Variants in B3GAT2 observed in about 807,000 individuals in gnomAD.
The protein encoded by B3GAT2 is galactosylgalactosylxylosylprotein 3-beta-glucuronosyltransferase 2.
In B3GAT2, 26 loss-of-function variants were observed where a neutral mutation model predicts 27.8. The ratio of observed to expected loss-of-function variants is 0.93; its 90% confidence interval spans 0.68 to 1.30. The LOEUF is 1.30. Ranked by LOEUF, B3GAT2 falls within the 50% of genes most tolerant of loss-of-function variation. The pLI is 0.00. For synonymous variants in B3GAT2, 218 were observed against 195.1 expected (o/e 1.12, Z -0.98); for missense variants, 458 against 459.0 (o/e 1.00, Z 0.02).
intron 1 of B3GAT2, among the ~76,000 whole-genome samples, chr6:70,919,047 T>A (rs1439572259): frequency 1.3e-5 from 2 of 152,214 alleles, no homozygotes; most frequent in African/African-American, 4.8e-5. Context: ...AAACGTAGAT[T>A]TGGTCTTTTC....
At chr6:70,872,891 A>G (rs1236372058) in intron 2 of B3GAT2, among the ~76,000 whole-genome samples, 1 of 151,942 alleles carries the variant, frequency 6.6e-6, no homozygotes, top group Non-Finnish European at 1.5e-5. Context: ...TAACATTTCA[A>G]TTTCTAACAG....
At position 70,948,741 on chromosome 6, in the gene B3GAT2, C is replaced by T. The variant is rs1276334845; in HGVS notation, c.591+7098G>A. The stretch of plus-strand genomic sequence containing the variant: ...AATTGGAAAAAACTACTTTAAAGTT[C>T]ATATGGAACCAAAAAAGAACCCACA... On this transcript the variant is annotated intron_variant, in intron 1 of 3. Coordinates refer to ENST00000230053, the MANE Select transcript of B3GAT2 (RefSeq NM_080742.3). Among the ~76,000 whole-genome samples the T allele has an allele frequency of 1.2e-4, 18 of 152,170 alleles. 1 individual carries two copies. The South Asian group carries it at 1.5e-3, about 12-fold the overall frequency.
intron 1 of B3GAT2, among the ~76,000 whole-genome samples, chr6:70,915,523 G>A (rs1772758199): frequency 6.6e-6 from 1 of 152,060 alleles, no homozygotes; most frequent in South Asian, 2.1e-4. Flanking sequence ...TTTTTGTAGG[G>A]TTTTTATGGT....
chr6:70,891,252 C>T (rs985699453), intron 2 of B3GAT2, among the ~76,000 whole-genome samples: 2 of 152,332 alleles, frequency 1.3e-5, no homozygotes, highest in Admixed American at 1.3e-4. Flanking sequence ...GCCAACTGCA[C>T]ACCACCAGTG....
chr6:70,871,436 A>G (rs1771935466), intron 2 of B3GAT2, among the ~76,000 whole-genome samples: 1 of 151,760 alleles, frequency 6.6e-6, no homozygotes, highest in African/African-American at 2.4e-5. Flanking sequence ...TCTCTCTGTT[A>G]TAGGCCTATT....
chr6:70,884,236 A>C (rs1409456823), intron 2 of B3GAT2, among the ~76,000 whole-genome samples: 1 of 152,118 alleles, frequency 6.6e-6, no homozygotes, highest in African/African-American at 2.4e-5. Context: ...TTTGATGCGA[A>C]GCCATGGGGA....
At position 70,859,276 on chromosome 6, in the gene B3GAT2, G is replaced by A; in HGVS notation, c.*2387C>T. On this transcript the variant is annotated 3_prime_UTR_variant, in exon 4 of 4. Transcript: ENST00000230053. ...AACATGCTGAAGCACACCCAGCTCA[G>A]GTTAAGGTGCTAGATGAACCAGGAA... The A allele has an allele frequency of 7.4e-7, 1 of 1,346,758 alleles. No individual in the cohort carries two copies. Among genetic ancestry groups the A allele is most frequent in the South Asian group, 1.4e-5 (1 of 72,446 alleles). 83.4% of individuals were successfully genotyped at this position (1,346,758 alleles called of 1,614,324 possible).
chr6:70,893,289 A>G (rs962875687), intron 2 of B3GAT2, among the ~76,000 whole-genome samples: 4 of 152,218 alleles, frequency 2.6e-5, no homozygotes, highest in Admixed American at 1.3e-4. Flanking sequence ...TATGCACAGA[A>G]GATGGGGCAA....
At chr6:70,940,625 G>A (rs1252800744) in intron 1 of B3GAT2, among the ~76,000 whole-genome samples, 1 of 152,036 alleles carries the variant, frequency 6.6e-6, no homozygotes, top group African/African-American at 2.4e-5. Flanking sequence ...GGATTACATA[G>A]TAATTAAAAA....
rs1169154134 is a variant in B3GAT2 at position 70,956,991 on chromosome 6, C to T, written c.-562G>A. On this transcript the variant is annotated 5_prime_UTR_variant, in exon 1 of 4. Coordinates refer to ENST00000230053, the MANE Select transcript of B3GAT2 (RefSeq NM_080742.3). The stretch of plus-strand genomic sequence containing the variant: ...GGGGGTTGTGTCCCGGCTGTGTTCG[C>T]GCGCCGCAGCGGAAGCCTGCTCTCA... 6 of 998,788 alleles carry T rather than the reference C, an allele frequency of 6.0e-6. No homozygotes were observed. Among genetic ancestry groups the T allele is most frequent in the Non-Finnish European group, 7.1e-6 (6 of 839,212 alleles). 61.9% of individuals were successfully genotyped at this position (998,788 alleles called of 1,614,324 possible).
intron 1 of B3GAT2, among the ~76,000 whole-genome samples, chr6:70,951,390 G>C (rs533270615): frequency 1.3e-5 from 2 of 152,208 alleles, no homozygotes; most frequent in Admixed American, 1.3e-4. Flanking sequence ...ACAGAAAAAA[G>C]GGAGCCACCC....
chr6:70,861,827 TA>T lies in B3GAT2; in HGVS notation c.885+2del, dbSNP rs1562211290. ...GGTCGGGCAGCACAAGTGTAATGAA[TA>T]CCTTAGTGCAGTTATTTGCTTTCGG... On this transcript the variant is annotated splice_donor_variant, in intron 3 of 3. Transcript: ENST00000230053. LOFTEE classifies it high-confidence loss of function. The T allele has an allele frequency of 7.4e-6, 12 of 1,614,114 alleles. No homozygotes were observed. The highest frequency in any genetic ancestry group is 1.0e-5 in the Non-Finnish European group (12 of 1,179,976).
chr6:70,922,269 G>T (rs1772882154), intron 1 of B3GAT2, among the ~76,000 whole-genome samples: 2 of 152,140 alleles, frequency 1.3e-5, no homozygotes, highest in Non-Finnish European at 2.9e-5. Flanking sequence ...GTCCTAATCA[G>T]AAACATTAAC....
intron 1 of B3GAT2, among the ~76,000 whole-genome samples, chr6:70,912,037 A>G (rs1265619499): frequency 1.3e-5 from 2 of 152,076 alleles, no homozygotes; most frequent in Non-Finnish European, 2.9e-5. Context: ...CAGATCTAGG[A>G]GCTTTTGGGC....
intron 1 of B3GAT2, among the ~76,000 whole-genome samples, chr6:70,933,185 TTTCAGAGGAACAGCTGGG>T (rs1462602315): frequency 2.6e-5 from 4 of 152,134 alleles, no homozygotes; most frequent in African/African-American, 7.2e-5. Context: ...ATCAACCAAT[TTTCAGAGGAACAGCTGGG>T]ATTGCTGTAA....
At chr6:70,905,177 A>C (rs928425521) in intron 1 of B3GAT2, among the ~76,000 whole-genome samples, 1 of 152,194 alleles carries the variant, frequency 6.6e-6, no homozygotes, top group Non-Finnish European at 1.5e-5. Context: ...GCTGTAGAAT[A>C]GAACCACAGC....
chr6:70,956,911 G>C lies in B3GAT2; in HGVS notation c.-482C>G. On this transcript the variant is annotated 5_prime_UTR_variant, in exon 1 of 4. Coordinates refer to ENST00000230053, the MANE Select transcript of B3GAT2 (RefSeq NM_080742.3). ...CCTTCGAGGGCGGGCGGCGGCGCTG[G>C]GGGCTTTCCTTCCTCACATTCCCGC... is the stretch of plus-strand genomic sequence containing the variant. The C allele has an allele frequency of 5.9e-6, 6 of 1,021,208 alleles. No individual in the cohort carries two copies. Among genetic ancestry groups the C allele is most frequent in the Non-Finnish European group, 7.0e-6 (6 of 853,564 alleles). 63.3% of individuals were successfully genotyped at this position (1,021,208 alleles called of 1,614,324 possible).
At chr6:70,947,736 C>G (rs1326168871) in intron 1 of B3GAT2, among the ~76,000 whole-genome samples, 1 of 151,756 alleles carries the variant, frequency 6.6e-6, no homozygotes, top group Non-Finnish European at 1.5e-5. Context: ...TTTTATGAGG[C>G]CAGCATCATC....
In B3GAT2 at chr6:70,860,838, C is replaced by CTGT. The variant is rs200344889; in HGVS notation, c.*822_*824dup. 1 of 395,768 alleles carries CTGT rather than the reference C, an allele frequency of 2.5e-6. No individual in the cohort carries two copies. Among genetic ancestry groups the CTGT allele is most frequent in the East Asian group, 3.6e-5 (1 of 27,880 alleles). 24.5% of individuals were successfully genotyped at this position (395,768 alleles called of 1,614,324 possible). On this transcript the variant is annotated 3_prime_UTR_variant, in exon 4 of 4. Coordinates refer to ENST00000230053, the MANE Select transcript of B3GAT2 (RefSeq NM_080742.3). ...TTATTTCATCATTCACTTCACTGTG[C>CTGT]TGTTGTTATGATGTGCTTAACAGGG...
Sources: allele counts gnomAD v4.1 joint callset (sites outside exome capture counted in the v4.1 genomes callset), GRCh38; gene constraint gnomAD v4.1.1; transcripts MANE v1.5; gene names NCBI Gene and HGNC (gene_info 2026-07-23, HGNC 2026-07-21).